Variants in AFG2A observed in about 807,000 individuals in gnomAD.
AFG2A encodes the protein ATPase family gene 2 protein homolog A.
At chr4:122,981,846 G>A in the AFG2A span, among the ~76,000 whole-genome samples, 42 of 150,682 alleles carry the variant, frequency 2.8e-4, no homozygotes, top group South Asian at 6.5e-3. Context: ...TTTTGTTGTC[G>A]ATTTTGTATC....
At chr4:123,301,142 A>G in the AFG2A span, among the ~76,000 whole-genome samples, 2 of 152,192 alleles carry the variant, frequency 1.3e-5, no homozygotes, top group Non-Finnish European at 2.9e-5. Flanking sequence ...CCTTCGCTAT[A>G]GAAAAATATA....
chr4:123,003,748 G>T, the AFG2A span, among the ~76,000 whole-genome samples: 2,076 of 152,152 alleles, frequency 0.014, 46 homozygotes, highest in African/African-American at 0.047. Context: ...GGTGCTCGGT[G>T]GTCAGGGGTC....
the AFG2A span, chr4:122,936,238 C>A: frequency 1.8e-5 from 18 of 981,194 alleles, no homozygotes; most frequent in Admixed American, 4.4e-4. Flanking sequence ...TTATACAAAG[C>A]ATAAACAGTA....
chr4:123,032,644 G>A, the AFG2A span, among the ~76,000 whole-genome samples: 1 of 152,188 alleles, frequency 6.6e-6, no homozygotes, highest in South Asian at 2.1e-4. Flanking sequence ...TCGGACTCCC[G>A]ACCTTGTGAT....
chr4:123,299,367 T>C, the AFG2A span, among the ~76,000 whole-genome samples: 1 of 152,200 alleles, frequency 6.6e-6, no homozygotes, highest in African/African-American at 2.4e-5. Flanking sequence ...AAAATGGAGA[T>C]GCTTGCTACC....
At chr4:123,208,045 A>G in the AFG2A span, among the ~76,000 whole-genome samples, 2,996 of 152,324 alleles carry the variant, frequency 0.02, 111 homozygotes, top group African/African-American at 0.067. Context: ...AAGTTACCAT[A>G]TTCAAAATAG....
the AFG2A span, among the ~76,000 whole-genome samples, chr4:123,282,272 C>T: frequency 6.6e-6 from 1 of 152,192 alleles, no homozygotes; most frequent in Admixed American, 6.6e-5. Flanking sequence ...AGCCTTTCCT[C>T]ATCTCCACTG....
chr4:123,004,261 C>T, the AFG2A span, among the ~76,000 whole-genome samples: 16 of 152,340 alleles, frequency 1.1e-4, 1 homozygote, highest in East Asian at 1.7e-3. Context: ...TTGCGCTTCC[C>T]GAGTGAGGAA....
the AFG2A span, among the ~76,000 whole-genome samples, chr4:123,023,751 A>T: frequency 3.0e-4 from 46 of 152,234 alleles, no homozygotes; most frequent in South Asian, 9.6e-3. Context: ...GCAAGATGGC[A>T]GCCTCCGAGC....
the AFG2A span, among the ~76,000 whole-genome samples, chr4:122,970,995 C>CA: frequency 6.6e-6 from 1 of 152,142 alleles, no homozygotes; most frequent in Non-Finnish European, 1.5e-5. Context: ...ACTATGTTGG[C>CA]AAGGCTGGTC....
chr4:123,069,060 A>G, the AFG2A span, among the ~76,000 whole-genome samples: 1 of 152,162 alleles, frequency 6.6e-6, no homozygotes, highest in African/African-American at 2.4e-5. Context: ...AGTGGGTTCG[A>G]CTCACAAAAC....
chr4:123,023,465 C>T, the AFG2A span, among the ~76,000 whole-genome samples: 8 of 152,200 alleles, frequency 5.3e-5, no homozygotes, highest in East Asian at 9.6e-4. Context: ...ACTTCCTCCA[C>T]CAGTTAGTAA....
the AFG2A span, among the ~76,000 whole-genome samples, chr4:123,186,329 C>A: frequency 1.3e-5 from 2 of 152,156 alleles, no homozygotes; most frequent in South Asian, 2.1e-4. Flanking sequence ...TAATTAGAAT[C>A]CCAGCAATGG....
the AFG2A span, among the ~76,000 whole-genome samples, chr4:122,953,188 A>G: frequency 3.3e-5 from 5 of 151,908 alleles, no homozygotes; most frequent in Admixed American, 6.6e-5. Context: ...ATGCTTCACC[A>G]CTCTCAGTCA....
the AFG2A span, among the ~76,000 whole-genome samples, chr4:122,989,727 C>G: frequency 6.6e-6 from 1 of 152,132 alleles, no homozygotes; most frequent in Non-Finnish European, 1.5e-5. Flanking sequence ...GTGGGGAGAG[C>G]TGGATGCTTA....
At chr4:123,294,784 G>A in the AFG2A span, among the ~76,000 whole-genome samples, 11 of 152,236 alleles carry the variant, frequency 7.2e-5, no homozygotes, top group Non-Finnish European at 4.4e-5. Flanking sequence ...AGACATGAGA[G>A]TAAATTCATT....
the AFG2A span, among the ~76,000 whole-genome samples, chr4:123,306,099 A>G: frequency 6.6e-6 from 1 of 152,238 alleles, no homozygotes; most frequent in South Asian, 2.1e-4. Context: ...GAGCTAGCAT[A>G]GCATGAAACT....
the AFG2A span, among the ~76,000 whole-genome samples, chr4:123,010,864 C>G: frequency 6.6e-6 from 1 of 152,192 alleles, no homozygotes; most frequent in Non-Finnish European, 1.5e-5. Context: ...TGAGCCAATT[C>G]CCTAGTTGGT....
chr4:123,177,661 T>G, the AFG2A span, among the ~76,000 whole-genome samples: 1 of 152,204 alleles, frequency 6.6e-6, no homozygotes, highest in Non-Finnish European at 1.5e-5. Flanking sequence ...ATTAACAGCA[T>G]AGATTCTTTA....
Sources: allele counts gnomAD v4.1 joint callset (sites outside exome capture counted in the v4.1 genomes callset), GRCh38; gene constraint gnomAD v4.1.1; transcripts MANE v1.5; gene names NCBI Gene and HGNC (gene_info 2026-07-23, HGNC 2026-07-21).